Variants in ALDH4A1 observed in about 807,000 individuals in gnomAD.
The protein encoded by ALDH4A1 is aldehyde dehydrogenase 4 family member A1, also known as delta-1-pyrroline-5-carboxylate dehydrogenase, mitochondrial.
In ALDH4A1, 46 loss-of-function variants were observed where a neutral mutation model predicts 70.5. The ratio of observed to expected loss-of-function variants is 0.65; its 90% confidence interval spans 0.51 to 0.83. The LOEUF (loss-of-function observed/expected upper bound fraction) is 0.83. Ranked by LOEUF, ALDH4A1 falls within the 40% of genes least tolerant of loss-of-function variation. The pLI is 0.00. For synonymous variants in ALDH4A1, 323 were observed against 324.3 expected, an observed-to-expected ratio of 1.00 and a Z score of 0.04; for missense variants, 749 against 766.5, an observed-to-expected ratio of 0.98 and a Z score of 0.27.
chr1:18,883,395 C>T lies in ALDH4A1; in HGVS notation c.487G>A (p.Ala163Thr), dbSNP rs201780333. The T allele has an allele frequency of 2.6e-4, 415 of 1,613,404 alleles. No homozygotes were observed. The highest frequency in any genetic ancestry group is 3.2e-4 in the Non-Finnish European group (381 of 1,180,050). ...KTVIQAEIDAAAELIDFFRFN... is the reference protein window; with the variant it reads ...KTVIQAEIDATAELIDFFRFN... ...CGGAAGAAGTCGATGAGTTCCGCTG[C>T]AGCGTCAATCTCCGCTTGGATCACG... The change falls in exon 6 of 15, where the codon GCA becomes ACA. Residue 163 changes from alanine to threonine, a missense_variant. Physicochemically the swap from Ala to Thr is moderately conservative, Grantham distance 58. Coordinates refer to ENST00000375341, the MANE Select transcript of ALDH4A1 (RefSeq NM_003748.4).
rs1934750341 is a variant in ALDH4A1, at chr1:18,877,398, G to T, written c.1137+18C>A. ...CAGCCCCCCGCTGGGCCGCGGCGGG[G>T]GTGACGGTGCCACTCACGTCGCCCA... On this transcript the variant is annotated intron_variant, in intron 10 of 14. Coordinates refer to ENST00000375341, the MANE Select transcript of ALDH4A1 (RefSeq NM_003748.4). 3 of 1,558,384 alleles carry T rather than the reference G, an allele frequency of 1.9e-6. No homozygotes were observed. The highest frequency in any genetic ancestry group is 1.4e-5 in the African/African-American group (1 of 73,540).
rs981783095 is a variant in ALDH4A1, at chr1:18,876,326, T to G, written c.1327A>C (p.Ile443Leu). ...CCCACCCCAGTCACCTCCTTCATGA[T>G]GGGCTCCTGAGGGTCCTTGCTCTCC... ...IVESKDPQEPIMKEEIFGPVL... is the reference protein window; with the variant it reads ...IVESKDPQEPLMKEEIFGPVL... Residue 443 changes from isoleucine to leucine, a missense_variant, in exon 12 of 15, where the codon ATC becomes CTC. Transcript: ENST00000375341. The G allele has an allele frequency of 6.2e-7, 1 of 1,613,890 alleles. No homozygotes were observed. The highest frequency in any genetic ancestry group is 8.5e-7 in the Non-Finnish European group (1 of 1,179,996).
In ALDH4A1 at chr1:18,886,467, G is replaced by C. The variant is rs1175166462; in HGVS notation, c.294C>G (p.Asp98Glu). Residue 98 changes from aspartate (D) to glutamate (E), a missense_variant, in exon 4 of 15, where the codon GAC becomes GAG. Asp to Glu is a conservative substitution (Grantham distance 45, BLOSUM62 2). Transcript: ENST00000375341. ...GHKVAKFCYA[D>E]KSLLNKAIEA... Reference sequence around the variant, plus strand: ...CCAGGCACACAGGCTCACTCACCTTGTCTGCATAACAGAACTTGGCCACCT... The same window carrying C: ...CCAGGCACACAGGCTCACTCACCTTCTCTGCATAACAGAACTTGGCCACCT... 3 of 1,614,054 alleles carry C rather than the reference G, an allele frequency of 1.9e-6. No individual in the cohort carries two copies. Among genetic ancestry groups the C allele is most frequent in the Non-Finnish European group, 2.5e-6 (3 of 1,180,032 alleles).
chr1:18,883,097 G>T (rs761753692), intron 7 of ALDH4A1, 27 bp downstream of exon 7: 7 of 1,612,790 alleles, frequency 4.3e-6, no homozygotes, highest in Non-Finnish European at 5.9e-6. Context: ...ACCAGCTGCC[G>T]CTGTCCCACC....
intron 1 of ALDH4A1, among the ~76,000 whole-genome samples, chr1:18,899,604 GC>G (rs1460542703): frequency 6.6e-6 from 1 of 152,254 alleles, no homozygotes; most frequent in Non-Finnish European, 1.5e-5. Flanking sequence ...GTGTTCACCA[GC>G]TCAAGGCCTC....
rs2100613952 is a variant in ALDH4A1 at position 18,898,415 on chromosome 1, C to G, written c.62+4047G>C. 6.6e-6 allele frequency among the ~76,000 whole-genome samples: 1 copy of G among 152,322 alleles called. No homozygotes were observed. The highest frequency in any genetic ancestry group is 1.5e-5 in the Non-Finnish European group (1 of 68,022). ...AATAAACAGAAGAGACCGAGGACAT[C>G]TGAGTTCCATACCTCCCCTCCTGCC... On this transcript the variant is annotated intron_variant, in intron 1 of 14. Coordinates refer to ENST00000375341, the MANE Select transcript of ALDH4A1 (RefSeq NM_003748.4). The surrounding 1 kb of genome is among the most constrained non-coding windows in gnomAD (Gnocchi z 4.3).
At chr1:18,892,566 G>GT (rs939002977) in intron 1 of ALDH4A1, among the ~76,000 whole-genome samples, 2 of 151,576 alleles carry the variant, frequency 1.3e-5, no homozygotes, top group African/African-American at 4.8e-5. Context: ...GGCGGGGGGG[G>GT]GCTGAGAGGG....
At chr1:18,892,699 C>T (rs1259778105) in intron 1 of ALDH4A1, among the ~76,000 whole-genome samples, 2 of 151,732 alleles carry the variant, frequency 1.3e-5, no homozygotes, top group Non-Finnish European at 2.9e-5. Context: ...CACCCTGAGC[C>T]GGTAGCTCTG....
intron 1 of ALDH4A1, chr1:18,890,596 A>C: frequency 4.9e-5 from 39 of 795,802 alleles, no homozygotes; most frequent in East Asian, 1.2e-4. Context: ...CCAAGGTTCA[A>C]GTCCCAGTCC....
chr1:18,896,632 C>T lies in ALDH4A1; in HGVS notation c.62+5830G>A, dbSNP rs550545467. ...GCCCAGCCAGGCAAAGTGGCTCACA[C>T]CTGTAATCCCAACACTTTGGGAGGC... On this transcript the variant is annotated intron_variant, in intron 1 of 14. Transcript: ENST00000375341. Among the ~76,000 whole-genome samples, 5 of 152,310 alleles carry T rather than the reference C, an allele frequency of 3.3e-5. No homozygotes were observed. The East Asian group carries it at 9.7e-4, about 29-fold the overall frequency.
At chr1:18,885,447 C>CCCCTT in intron 5 of ALDH4A1, 26 bp downstream of exon 5, 1 of 1,178,962 alleles carries the variant, frequency 8.5e-7, no homozygotes, top group Non-Finnish European at 1.2e-6. Flanking sequence ...CCCCGCCCCA[C>CCCCTT]CCACCCGGGC....
At chr1:18,874,874 G>A (rs557167552) in intron 13 of ALDH4A1, among the ~76,000 whole-genome samples, 5 of 152,276 alleles carry the variant, frequency 3.3e-5, no homozygotes, top group Admixed American at 6.5e-5. Flanking sequence ...CAGGAGCAGC[G>A]GAAACTCCAG....
intron 1 of ALDH4A1, among the ~76,000 whole-genome samples, chr1:18,901,767 C>T (rs1935806004): frequency 6.6e-6 from 1 of 152,104 alleles, no homozygotes; most frequent in Non-Finnish European, 1.5e-5. Flanking sequence ...TGCCTTTGTG[C>T]TGGGCACTGT....
Position 18,871,924 on chromosome 1 carries a change from C to T in ALDH4A1, c.*921G>A, listed in dbSNP as rs1138269. On this transcript the variant is annotated 3_prime_UTR_variant, in exon 15 of 15. Coordinates refer to ENST00000375341, the MANE Select transcript of ALDH4A1 (RefSeq NM_003748.4). ...ACGTCCTCGGCCCATGCTGACGAAC[C>T]CAAGGCCAGGCCTCTGGGGGCTGGG... 38,286 of 152,182 alleles carry T rather than the reference C, an allele frequency of 0.25. 4,968 individuals are homozygous for T. Among genetic ancestry groups the T allele is most frequent in the Middle Eastern group, 0.31 (92 of 294 alleles). The allele number at this position is 152,182 out of a possible 1,614,324, so 9.4% of individuals were successfully genotyped here. A position where few individuals can be genotyped will look rare whatever the true frequency, so the allele number is the denominator to read the frequency against.
chr1:18,878,862 C>T (rs765325947), intron 9 of ALDH4A1, among the ~76,000 whole-genome samples: 2 of 152,202 alleles, frequency 1.3e-5, no homozygotes, highest in African/African-American at 2.4e-5. Flanking sequence ...CCCGTCTTCT[C>T]CTACCAGCCC....
intron 8 of ALDH4A1, 101 bp from the exon 9 acceptor site, chr1:18,879,474 G>C: frequency 9.4e-7 from 1 of 1,061,976 alleles, no homozygotes; most frequent in South Asian, 1.3e-5. Flanking sequence ...CCAGCAGGAG[G>C]TGGGAGCCAA....
In ALDH4A1 at chr1:18,872,860, G is replaced by A. The variant is rs531113108; in HGVS notation, c.1677C>T (p.Tyr559=). 76 of 1,613,838 alleles carry A rather than the reference G, an allele frequency of 4.7e-5. No individual in the cohort carries two copies. Among genetic ancestry groups the A allele is most frequent in the Admixed American group, 2.7e-4 (16 of 60,014 alleles). Residue 559 remains tyrosine, a synonymous_variant, in exon 15 of 15, where the codon TAC becomes TAT. Transcript: ENST00000375341. The part of the protein sequence containing the change: ...ETHKPLGDWS[Y]AYMQ ...CGAGAGGGGCTCACTGCATGTACGC[G>A]TAGCTCCAGTCCCCCAGGGGCTTAT...
chr1:18,884,048 C>A (rs116511302), intron 5 of ALDH4A1, among the ~76,000 whole-genome samples: 2,447 of 152,320 alleles, frequency 0.016, 76 homozygotes, highest in African/African-American at 0.054. Context: ...GTGGCCTCCT[C>A]TTGGCACCCA....
rs2100560610 is a variant in ALDH4A1, at chr1:18,877,623, CGGGGGTGGG to C, written c.941-20_941-12del. 4 of 1,589,004 alleles carry C rather than the reference CGGGGGTGGG, an allele frequency of 2.5e-6. No homozygotes were observed. The highest frequency in any genetic ancestry group is 2.3e-5 in the East Asian group (1 of 43,940). On this transcript the variant is annotated splice_polypyrimidine_tract_variant and intron_variant, in intron 9 of 14. Coordinates refer to ENST00000375341, the MANE Select transcript of ALDH4A1 (RefSeq NM_003748.4). Reference sequence around the variant, plus strand: ...TCTTTCCGCCGCACTCTACAGGGGTCGGGGGTGGGGAAATGACCAGAGGAGCTGGCTCCC... The same window carrying C: ...TCTTTCCGCCGCACTCTACAGGGGTCGAAATGACCAGAGGAGCTGGCTCCC...
Sources: gnomAD v4.1 joint callset for allele counts (sites outside exome capture counted in the v4.1 genomes callset) on GRCh38, gnomAD v4.1.1 for gene constraint, Gnocchi (gnomAD v3.1) non-coding constraint, MANE v1.5 for transcripts, NCBI Gene and HGNC (gene_info 2026-07-23, HGNC 2026-07-21) for gene names.